MTFR1: variants seen among roughly 807,000 people sequenced by gnomAD.
The protein encoded by MTFR1 is mitochondrial fission regulator 1, also known as chondrocyte protein with a poly-proline region.
MTFR1 carries 28 observed loss-of-function variants against 38.8 expected under a neutral mutation model. The ratio of observed to expected loss-of-function variants is 0.72; its 90% CI spans 0.53 to 0.99. The LOEUF is 0.99. Ranked by LOEUF, MTFR1 falls within the 50% of genes least tolerant of loss-of-function variation. The pLI is 0.00. For synonymous variants in MTFR1, 145 were observed against 137.0 expected, an observed-to-expected ratio of 1.06 and a Z score of -0.41; for missense variants, 358 against 395.5, an observed-to-expected ratio of 0.91 and a Z score of 0.81.
chr8:65,645,795 T>C (rs998273345), intron 1 of MTFR1, among the ~76,000 whole-genome samples: 2 of 151,170 alleles, frequency 1.3e-5, no homozygotes, highest in African/African-American at 2.4e-5. Context: ...TCCCAAAGTG[T>C]TGGGATTACA....
intron 3 of MTFR1, chr8:65,724,937 T>C: frequency 6.4e-7 from 1 of 1,551,494 alleles, no homozygotes; most frequent in African/African-American, 1.4e-5. Flanking sequence ...AATAGAGAAA[T>C]ATAAAGAGAA....
At position 65,708,000 on chromosome 8, in the gene MTFR1, G is replaced by A. The variant is rs1476444768; in HGVS notation, c.922G>A (p.Glu308Lys). The change falls in exon 7 of 8, where the codon GAG becomes AAG. Residue 308 changes from glutamate (E) to lysine (K), a missense_variant. Glu to Lys is a moderately conservative substitution (Grantham distance 56). Transcript: ENST00000262146. ...IPKSESEATS[E>K]RVLFGPHMLK... ...AAAGTCTGAATCAGAGGCCACCTCA[G>A]AGAGAGTGTTGGTGAGTTATTTGCC... 1 of 1,612,466 alleles carries A rather than the reference G, an allele frequency of 6.2e-7. No individual in the cohort carries two copies. Among genetic ancestry groups the A allele is most frequent in the Non-Finnish European group, 8.5e-7 (1 of 1,179,818 alleles).
chr8:65,762,591 TTAAA>T (rs1808556556), intron 3 of MTFR1, among the ~76,000 whole-genome samples: 2 of 152,178 alleles, frequency 1.3e-5, no homozygotes, highest in Admixed American at 1.3e-4. Context: ...CACAAGACTG[TTAAA>T]GATTAAATGA....
intron 4 of MTFR1, among the ~76,000 whole-genome samples, chr8:65,701,989 A>T (rs1805622236): frequency 6.6e-6 from 1 of 152,262 alleles, no homozygotes; most frequent in Non-Finnish European, 1.5e-5. Flanking sequence ...AACATATGTT[A>T]TTAAAATAGT....
chr8:65,711,138 A>G (rs528364296), downstream of MTFR1, among the ~76,000 whole-genome samples: 2 of 152,286 alleles, frequency 1.3e-5, no homozygotes, highest in Non-Finnish European at 2.9e-5. Context: ...GTAGTTTCCA[A>G]TAAAATGATT....
At chr8:65,700,349 TAAAA>T (rs551471575) in intron 4 of MTFR1, among the ~76,000 whole-genome samples, 1 of 106,804 alleles carries the variant, frequency 9.4e-6, no homozygotes, top group African/African-American at 3.5e-5. Flanking sequence ...AGACCTATCT[TAAAA>T]AAAAAAAAAA....
At chr8:65,711,216 G>A (rs1322447182), downstream of MTFR1, among the ~76,000 whole-genome samples, 1 of 152,168 alleles carries the variant, frequency 6.6e-6, no homozygotes. Context: ...GCTTGGCATA[G>A]GAGGGGTAGG....
chr8:65,724,136 T>TA, intron 3 of MTFR1: 1 of 610,474 alleles, frequency 1.6e-6, no homozygotes, highest in South Asian at 2.0e-5. Context: ...TGTGAATTGT[T>TA]ACTAAAAATG....
chr8:65,706,885 A>T, intron 5 of MTFR1, 125 bp from the exon 6 acceptor site: 12 of 1,057,370 alleles, frequency 1.1e-5, no homozygotes, highest in Non-Finnish European at 1.6e-5. Flanking sequence ...TTCTTACATA[A>T]CTGAAACGTT....
intron 6 of MTFR1, 92 bp downstream of exon 6, chr8:65,707,348 C>A: frequency 7.5e-7 from 1 of 1,329,394 alleles, no homozygotes; most frequent in Non-Finnish European, 1.0e-6. Flanking sequence ...TATAACATGA[C>A]TGCCATGAAT....
chr8:65,672,184 T>C (rs1400742662), intron 2 of MTFR1, among the ~76,000 whole-genome samples: 1 of 152,262 alleles, frequency 6.6e-6, no homozygotes, highest in Non-Finnish European at 1.5e-5. Context: ...TATTTTTAAC[T>C]TATTGAAGCT....
chr8:65,738,296 A>G (rs1391686159), intron 3 of MTFR1, among the ~76,000 whole-genome samples: 1 of 152,242 alleles, frequency 6.6e-6, no homozygotes, highest in East Asian at 1.9e-4. Flanking sequence ...AAATTAAGCT[A>G]TCTCTTGATC....
chr8:65,658,246 A>G (rs1450371038), intron 1 of MTFR1, among the ~76,000 whole-genome samples: 5 of 152,220 alleles, frequency 3.3e-5, no homozygotes, highest in African/African-American at 4.8e-5. Flanking sequence ...TTGGCATCTT[A>G]AATGTAGTGA....
rs764481580 is a variant in MTFR1 at position 65,724,836 on chromosome 8, G to A, written c.*48+5355G>A. On this transcript the variant is annotated intron_variant, in intron 3 of 3. Coordinates refer to the MTFR1 transcript ENST00000521247. ...AGGCATAAATCACCTCTATCCAAAT[G>A]GGACCTAAACAAAGACAGATACTCA... 4 of 1,611,884 alleles carry A rather than the reference G, an allele frequency of 2.5e-6. No individual in the cohort carries two copies. In the Admixed American group the frequency reaches 5.0e-5, roughly 20 times the overall value.
At chr8:65,761,108 A>G (rs1585886563) in intron 3 of MTFR1, among the ~76,000 whole-genome samples, 1 of 151,146 alleles carries the variant, frequency 6.6e-6, no homozygotes, top group Non-Finnish European at 1.5e-5. Flanking sequence ...GGCGTAGGCT[A>G]GAGTGCAGTG....
chr8:65,698,732 C>CT (rs529069971), intron 4 of MTFR1, among the ~76,000 whole-genome samples: 10,747 of 142,892 alleles, frequency 0.075, 1,237 homozygotes, highest in African/African-American at 0.25. Context: ...TTGTTCCCTT[C>CT]TTTTTTTTTT....
At chr8:65,652,305 G>A (rs1044209068) in intron 1 of MTFR1, among the ~76,000 whole-genome samples, 1 of 151,916 alleles carries the variant, frequency 6.6e-6, no homozygotes, top group East Asian at 1.9e-4. Flanking sequence ...AATATAGGCT[G>A]GTCTCAAACT....
intron 1 of MTFR1, among the ~76,000 whole-genome samples, chr8:65,665,629 C>T (rs896725542): frequency 2.6e-5 from 4 of 152,134 alleles, no homozygotes; most frequent in African/African-American, 7.2e-5. Context: ...TTTTTCTCTT[C>T]TTCCTTATCG....
At chr8:65,774,641 TTTAG>T (rs1391628315), downstream of MTFR1, among the ~76,000 whole-genome samples, 5 of 151,478 alleles carry the variant, frequency 3.3e-5, no homozygotes, top group Non-Finnish European at 5.9e-5. Context: ...TATTTAAATA[TTTAG>T]TTAATTTAAA....
Sources: allele counts gnomAD v4.1 joint callset (sites outside exome capture counted in the v4.1 genomes callset), GRCh38; gene constraint gnomAD v4.1.1; transcripts MANE v1.5; gene names NCBI Gene and HGNC (gene_info 2026-07-23, HGNC 2026-07-21).